SLC12A3: variants seen among roughly 807,000 people sequenced by gnomAD.
SLC12A3 encodes the protein solute carrier family 12 member 3, also known as Na-Cl cotransporter.
Under a neutral mutation model 121.0 loss-of-function variants are expected in SLC12A3, and 104 were observed. The observed-to-expected ratio is 0.86, with a 90% confidence interval of 0.73 to 1.01. The LOEUF is 1.01. Among genes scored for constraint, SLC12A3 ranks in the 50% least tolerant of loss-of-function variants. The probability of loss-of-function intolerance (pLI) is 0.00; values close to 1 mark genes in which losing one functional copy is unlikely to be tolerated. For synonymous variants in SLC12A3, 536 were observed against 533.4 expected (o/e 1.00, Z -0.07); for missense variants, 1,328 against 1,356.3 (o/e 0.98, Z 0.33).
At chr16:56,888,801 G>T (rs961663365) in intron 18 of SLC12A3, among the ~76,000 whole-genome samples, 2 of 151,700 alleles carry the variant, frequency 1.3e-5, no homozygotes, top group Admixed American at 6.6e-5. Context: ...CTCGTGATCC[G>T]CCCACCTCGG....
In SLC12A3 at chr16:56,913,442, G is replaced by A. The variant is rs751506531; in HGVS notation, c.*37G>A. 6.2e-7 allele frequency: 1 copy of A among 1,609,814 alleles called. No homozygotes were observed. The highest frequency in any genetic ancestry group is 1.1e-5 in the South Asian group (1 of 91,006). ...GACATCCCTGTCCACAGCTCTGAGT[G>A]TGTGGGATAAGTTGGAACTTGATTG... On this transcript the variant is annotated 3_prime_UTR_variant, in exon 26 of 26. Coordinates refer to ENST00000563236, the MANE Select transcript of SLC12A3 (RefSeq NM_001126108.2).
rs779880289 is a variant in SLC12A3 at position 56,894,511 on chromosome 16, A to G, written c.2522-20A>G. 1.9e-6 allele frequency: 3 copies of G among 1,572,714 alleles called. No homozygotes were observed. Among genetic ancestry groups the G allele is most frequent in the Non-Finnish European group, 2.6e-6 (3 of 1,145,030 alleles). On this transcript the variant is annotated intron_variant, in intron 21 of 25. Transcript: ENST00000563236. ...CCTGAGTGTATTCTTGTCATGACTCACGGGGACTCTCCTTGCCAGGCCTCA... is the reference window on the plus strand; with the variant it reads ...CCTGAGTGTATTCTTGTCATGACTCGCGGGGACTCTCCTTGCCAGGCCTCA...
chr16:56,887,772 T>TTATATATATATATA (rs1555500981), intron 17 of SLC12A3, among the ~76,000 whole-genome samples, 153 bp from the exon 18 acceptor site: 1 of 59,992 alleles, frequency 1.7e-5, no homozygotes, highest in Non-Finnish European at 2.9e-5. Flanking sequence ...ATTTTTAAGA[T>TTATATATATATATA]TATATATATA....
In SLC12A3 at chr16:56,870,283, T is replaced by C. The variant is rs376750417; in HGVS notation, c.741+48T>C. 928 of 1,593,204 alleles carry C rather than the reference T, an allele frequency of 5.8e-4. 1 individual carries two copies. The highest frequency in any genetic ancestry group is 7.5e-4 in the Non-Finnish European group (876 of 1,171,632). ...TGGGTAGAGGGATCCGGGCAGCCCA[T>C]TGCACTCTCCTCCGCCCCATCTGGG... On this transcript the variant is annotated intron_variant, in intron 5 of 25. Coordinates refer to ENST00000563236, the MANE Select transcript of SLC12A3 (RefSeq NM_001126108.2).
intron 8 of SLC12A3, 41 bp from the exon 9 acceptor site, chr16:56,878,020 GTCCCTCCCTCCCTCTC>G (rs1555500183): frequency 1.9e-3 from 1,168 of 601,310 alleles, no homozygotes; most frequent in South Asian, 5.5e-3. Context: ...AATGTCCTCC[GTCCCTCCCTCCCTCTC>G]TCCCTCCCTC....
chr16:56,906,871 G>T, intron 25 of SLC12A3: 2 of 602,184 alleles, frequency 3.3e-6, no homozygotes, highest in South Asian at 1.5e-5. Context: ...TGCAAGAACA[G>T]AATGAAGGAA....
Position 56,913,498 on chromosome 16 carries a change from C to A in SLC12A3, c.*93C>A. ...AGTCCACAGGGATGAGACTCATGTT[C>A]TGTTGCACTTTAAGTGGCAGCATCT... is the stretch of plus-strand genomic sequence containing the variant. On this transcript the variant is annotated 3_prime_UTR_variant, in exon 26 of 26. Transcript: ENST00000563236. 7.8e-7 allele frequency: 1 copy of A among 1,285,508 alleles called. No individual in the cohort carries two copies. The highest frequency in any genetic ancestry group is 1.1e-6 in the Non-Finnish European group (1 of 880,970). 79.6% of individuals were successfully genotyped at this position (1,285,508 alleles called of 1,614,324 possible).
chr16:56,896,593 TA>T (rs1232747046), intron 22 of SLC12A3, among the ~76,000 whole-genome samples: 3 of 149,756 alleles, frequency 2.0e-5, no homozygotes, highest in Non-Finnish European at 3.0e-5. Flanking sequence ...CCAAAAAACT[TA>T]AAAAAAAAAT....
intron 16 of SLC12A3, among the ~76,000 whole-genome samples, 179 bp downstream of exon 16, chr16:56,886,654 G>A (rs914280720): frequency 7.9e-5 from 12 of 152,238 alleles, no homozygotes; most frequent in East Asian, 5.8e-4. Context: ...AGTGGGGGCC[G>A]AGGGGATGCG....
intron 23 of SLC12A3, 119 bp from the exon 24 acceptor site, chr16:56,902,254 A>G: frequency 7.7e-7 from 1 of 1,299,230 alleles, no homozygotes; most frequent in Middle Eastern, 2.4e-4. Context: ...GCAGTGTCCG[A>G]TGGGTTTCAG....
chr16:56,870,740 A>G lies in SLC12A3; in HGVS notation c.852+4A>G. 1 of 1,594,746 alleles carries G rather than the reference A, an allele frequency of 6.3e-7. No individual in the cohort carries two copies. The highest frequency in any genetic ancestry group is 8.6e-7 in the Non-Finnish European group (1 of 1,162,940). On this transcript the variant is annotated splice_donor_region_variant and intron_variant, in intron 6 of 25. Coordinates refer to ENST00000563236, the MANE Select transcript of SLC12A3 (RefSeq NM_001126108.2). The stretch of plus-strand genomic sequence containing the variant: ...TGGCATGGAGTGGGAGTCCAAGGTG[A>G]GGAGGCCATGGAGGAGGGGGACATG...
chr16:56,889,495 G>A (rs1392162528), intron 18 of SLC12A3, among the ~76,000 whole-genome samples: 5 of 152,090 alleles, frequency 3.3e-5, no homozygotes, highest in Admixed American at 6.6e-5. Flanking sequence ...ATTTATTTTT[G>A]AGACAGAGTC....
intron 24 of SLC12A3, 23 bp downstream of exon 24, chr16:56,902,531 G>GGGGGGGCC: frequency 1.6e-4 from 113 of 713,726 alleles, no homozygotes; most frequent in Non-Finnish European, 2.3e-4. Context: ...GTGGGGGTGG[G>GGGGGGGCC]AAACGCGACA....
chr16:56,895,269 G>A (rs1051936568), intron 22 of SLC12A3, among the ~76,000 whole-genome samples: 3 of 139,246 alleles, frequency 2.2e-5, no homozygotes, highest in Non-Finnish European at 4.5e-5. Context: ...TCGGCTCATT[G>A]CAACCTCCGC....
intron 1 of SLC12A3, among the ~76,000 whole-genome samples, chr16:56,866,431 G>A (rs1964358519): frequency 1.3e-5 from 2 of 152,172 alleles, no homozygotes; most frequent in South Asian, 4.1e-4. Context: ...CAGTCACTTG[G>A]GGCACAAACT....
intron 6 of SLC12A3, among the ~76,000 whole-genome samples, chr16:56,870,959 C>T (rs924728104): frequency 1.3e-5 from 2 of 152,080 alleles, no homozygotes; most frequent in African/African-American, 2.4e-5. Context: ...CTCAGCCTCC[C>T]GAGTAGCTGG....
chr16:56,902,531 G>GGGGGGGGGGCC, intron 24 of SLC12A3, 23 bp downstream of exon 24: 3 of 714,536 alleles, frequency 4.2e-6, no homozygotes, highest in East Asian at 4.1e-5. Flanking sequence ...GTGGGGGTGG[G>GGGGGGGGGGCC]AAACGCGACA....
chr16:56,910,744 AATTGC>A (rs2055674425), intron 25 of SLC12A3, among the ~76,000 whole-genome samples: 1 of 152,200 alleles, frequency 6.6e-6, no homozygotes, highest in African/African-American at 2.4e-5. Context: ...AGGAAGTGGG[AATTGC>A]ATCTGGAGCC....
intron 1 of SLC12A3, among the ~76,000 whole-genome samples, chr16:56,866,341 C>T (rs1347172492): frequency 6.6e-6 from 1 of 152,150 alleles, no homozygotes; most frequent in African/African-American, 2.4e-5. Context: ...GCCTTTTCTC[C>T]ACCCCAGAGC....
Sources: gnomAD v4.1 joint callset for allele counts (sites outside exome capture counted in the v4.1 genomes callset) on GRCh38, gnomAD v4.1.1 for gene constraint, MANE v1.5 for transcripts, NCBI Gene and HGNC (gene_info 2026-07-23, HGNC 2026-07-21) for gene names.